Variants in PTPRT observed in about 807,000 individuals in gnomAD.
The protein encoded by PTPRT is receptor-type tyrosine-protein phosphatase T.
In PTPRT, 56 loss-of-function variants were observed where a neutral mutation model predicts 176.8. The ratio of observed to expected loss-of-function variants is 0.32; its 90% CI spans 0.26 to 0.40. PTPRT has a LOEUF of 0.40. PTPRT is among the 10% of genes least tolerant of loss of function. The pLI is 1.00. For synonymous variants in PTPRT, 783 were observed against 739.0 expected (o/e 1.06, Z -0.96); for missense variants, 1,540 against 1,908.2 (o/e 0.81, Z 3.60).
At chr20:42,928,632 G>A (rs1415988258) in intron 1 of PTPRT, among the ~76,000 whole-genome samples, 1 of 152,066 alleles carries the variant, frequency 6.6e-6, no homozygotes, top group East Asian at 1.9e-4. Context: ...ATCCAAGAAG[G>A]GGTCAAAAAG....
chr20:42,273,179 A>T (rs1404451189), intron 13 of PTPRT, among the ~76,000 whole-genome samples: 3 of 152,166 alleles, frequency 2.0e-5, no homozygotes, highest in African/African-American at 4.8e-5. Flanking sequence ...TTTTCTCATG[A>T]AATTCTTACA....
intron 1 of PTPRT, among the ~76,000 whole-genome samples, chr20:43,188,972 G>A (rs2015469002): frequency 6.6e-6 from 1 of 152,076 alleles, no homozygotes; most frequent in Non-Finnish European, 1.5e-5. Flanking sequence ...AGGAGCGGAC[G>A]CGCTCACGGG....
chr20:42,167,524 G>C (rs1203640821), intron 16 of PTPRT, among the ~76,000 whole-genome samples: 1 of 152,188 alleles, frequency 6.6e-6, no homozygotes, highest in Non-Finnish European at 1.5e-5. Flanking sequence ...TTCCTTACCA[G>C]TATCAATGTA....
At chr20:43,182,428 T>G in intron 1 of PTPRT, among the ~76,000 whole-genome samples, 1 of 151,832 alleles carries the variant, frequency 6.6e-6, no homozygotes, top group African/African-American at 2.4e-5. Context: ...TCTTGTTCTT[T>G]CACCCAGGCA....
In PTPRT at chr20:42,248,785, C is replaced by A; in HGVS notation, c.2214G>T (p.Glu738Asp). 1 of 1,614,090 alleles carries A rather than the reference C, an allele frequency of 6.2e-7. No homozygotes were observed. The highest frequency in any genetic ancestry group is 1.1e-5 in the South Asian group (1 of 91,064). Reference sequence around the variant, plus strand: ...TCTTCACGGTGTTGTCCACCTGCTTCTCTGGCTCCACAGTGTTAGAATTCT... The same window carrying A: ...TCTTCACGGTGTTGTCCACCTGCTTATCTGGCTCCACAGTGTTAGAATTCT... Reference protein sequence around the residue: ...STQNSNTVEPEKQVDNTVKMA... With the variant: ...STQNSNTVEPDKQVDNTVKMA... The change falls in exon 14 of 31, where the codon GAG becomes GAT. Residue 738 changes from glutamate to aspartate, a missense_variant. Coordinates refer to ENST00000373187, the MANE Select transcript of PTPRT (RefSeq NM_007050.6).
intron 2 of PTPRT, among the ~76,000 whole-genome samples, chr20:42,811,794 A>G (rs2077701698): frequency 6.6e-6 from 1 of 152,142 alleles, no homozygotes. Context: ...ATATGGTTTC[A>G]TTACTTATCA....
At chr20:42,901,528 T>C (rs1183076672) in intron 1 of PTPRT, among the ~76,000 whole-genome samples, 3 of 152,184 alleles carry the variant, frequency 2.0e-5, no homozygotes, top group Non-Finnish European at 4.4e-5. Flanking sequence ...CGCAATCCCA[T>C]ACCTGTCTCT....
Position 42,906,307 on chromosome 20 carries a change from G to A in PTPRT, c.89-20375C>T, listed in dbSNP as rs75764733. 1.6e-4 allele frequency among the ~76,000 whole-genome samples: 25 copies of A among 152,294 alleles called. No homozygotes were observed. In the East Asian group the frequency reaches 4.3e-3, roughly 26 times the overall value. On this transcript the variant is annotated intron_variant, in intron 1 of 30. Coordinates refer to ENST00000373187, the MANE Select transcript of PTPRT (RefSeq NM_007050.6). ...CGTCAAAATGACACAGAATTTGGCC[G>A]GGGCGGTCAGAGGGGAGCACAGCCG...
intron 7 of PTPRT, among the ~76,000 whole-genome samples, chr20:42,503,742 C>A (rs1311589577): frequency 6.6e-6 from 1 of 152,040 alleles, no homozygotes; most frequent in Non-Finnish European, 1.5e-5. Context: ...TCTACTTTGT[C>A]TGTCAATTAC....
At chr20:42,958,424 A>G (rs1246557935) in intron 1 of PTPRT, among the ~76,000 whole-genome samples, 33 of 44,188 alleles carry the variant, frequency 7.5e-4, no homozygotes, top group African/African-American at 1.0e-3. Context: ...AAGGGAGGAA[A>G]GGAGGAAGGG....
intron 9 of PTPRT, among the ~76,000 whole-genome samples, chr20:42,394,568 T>C (rs1344932385): frequency 1.3e-5 from 2 of 152,196 alleles, no homozygotes; most frequent in Non-Finnish European, 2.9e-5. Flanking sequence ...ATGATGTTTT[T>C]AAAATAATGA....
intron 2 of PTPRT, among the ~76,000 whole-genome samples, chr20:42,851,215 C>T (rs2078463827): frequency 6.6e-6 from 1 of 152,136 alleles, no homozygotes. Context: ...TTTGCCTCTG[C>T]TTTTATGTTG....
chr20:42,935,554 C>CT (rs1980134815), intron 1 of PTPRT, among the ~76,000 whole-genome samples: 1 of 152,172 alleles, frequency 6.6e-6, no homozygotes, highest in Admixed American at 6.5e-5. Context: ...CATGGCAAGG[C>CT]CTCTTTCCAC....
At chr20:42,630,037 T>C (rs2074374215) in intron 7 of PTPRT, among the ~76,000 whole-genome samples, 1 of 152,180 alleles carries the variant, frequency 6.6e-6, no homozygotes, top group Admixed American at 6.5e-5. Context: ...ATAATTAAGC[T>C]AAAGATCTTG....
chr20:42,710,522 T>C (rs930267835), intron 6 of PTPRT, among the ~76,000 whole-genome samples: 1 of 152,262 alleles, frequency 6.6e-6, no homozygotes, highest in Non-Finnish European at 1.5e-5. Context: ...CATGGTGTTA[T>C]GTTTGCAAGT....
At chr20:42,876,942 C>A (rs1342901561) in intron 2 of PTPRT, among the ~76,000 whole-genome samples, 1 of 151,956 alleles carries the variant, frequency 6.6e-6, no homozygotes, top group Non-Finnish European at 1.5e-5. Context: ...GACATTTGTG[C>A]CGGGGTTTGA....
At chr20:42,272,489 C>A (rs963643205) in intron 13 of PTPRT, among the ~76,000 whole-genome samples, 1 of 152,056 alleles carries the variant, frequency 6.6e-6, no homozygotes, top group Non-Finnish European at 1.5e-5. Context: ...TGCAAAGCTT[C>A]AGAGAAGAGA....
At chr20:42,766,297 C>G (rs2076981787) in intron 5 of PTPRT, among the ~76,000 whole-genome samples, 1 of 152,182 alleles carries the variant, frequency 6.6e-6, no homozygotes, top group Admixed American at 6.5e-5. Flanking sequence ...TGAGCCCCTT[C>G]CACCACAGAC....
chr20:42,790,629 T>C (rs908557179), intron 3 of PTPRT, among the ~76,000 whole-genome samples: 1 of 152,186 alleles, frequency 6.6e-6, no homozygotes, highest in African/African-American at 2.4e-5. Flanking sequence ...AACTCTGCCA[T>C]AGTCTATCAT....
Sources: allele counts gnomAD v4.1 joint callset (sites outside exome capture counted in the v4.1 genomes callset), GRCh38; gene constraint gnomAD v4.1.1; transcripts MANE v1.5; gene names NCBI Gene and HGNC (gene_info 2026-07-23, HGNC 2026-07-21).